Variants in FAM13C observed in about 807,000 individuals in gnomAD.
FAM13C encodes family with sequence similarity 13 member C.
FAM13C carries 37 observed loss-of-function variants against 73.2 expected under a neutral mutation model. That is an observed-to-expected ratio of 0.51 (90% CI 0.39 to 0.67). The LOEUF (loss-of-function observed/expected upper bound fraction) is 0.67. FAM13C is among the 30% of genes least tolerant of loss of function. The pLI is 0.00. For synonymous variants in FAM13C, 246 were observed against 260.9 expected, an observed-to-expected ratio of 0.94 and a Z score of 0.55; for missense variants, 589 against 715.6, an observed-to-expected ratio of 0.82 and a Z score of 2.02.
intron 3 of FAM13C, among the ~76,000 whole-genome samples, chr10:59,350,069 C>A (rs1330896207): frequency 6.6e-6 from 1 of 152,098 alleles, no homozygotes; most frequent in Non-Finnish European, 1.5e-5. Flanking sequence ...TCTTTTATCC[C>A]CAATATAATT....
At chr10:59,262,727 CCT>C in intron 9 of FAM13C, 82 bp from the exon 10 acceptor site, 1 of 1,177,644 alleles carries the variant, frequency 8.5e-7, no homozygotes, top group Non-Finnish European at 1.2e-6. Flanking sequence ...AATTCCTTCC[CCT>C]GATGCCAAAT....
chr10:59,360,939 CCG>C (rs1445735434), intron 1 of FAM13C: 23 of 994,488 alleles, frequency 2.3e-5, no homozygotes, highest in Non-Finnish European at 3.2e-5. Flanking sequence ...CTGTGACTGA[CCG>C]AGGATTTGGC....
intron 3 of FAM13C, among the ~76,000 whole-genome samples, chr10:59,345,490 T>C (rs888725945): frequency 2.0e-5 from 3 of 152,236 alleles, no homozygotes; most frequent in African/African-American, 7.2e-5. Context: ...AATATATTTG[T>C]ATATTTCCAA....
At chr10:59,335,782 T>C (rs149249846) in intron 3 of FAM13C, among the ~76,000 whole-genome samples, 126 of 152,256 alleles carry the variant, frequency 8.3e-4, no homozygotes, top group African/African-American at 2.9e-3. Flanking sequence ...GTAAGCCCAA[T>C]GCAATAAAAG....
intron 4 of FAM13C, among the ~76,000 whole-genome samples, chr10:59,312,043 C>T (rs867113635): frequency 3.2e-4 from 48 of 150,428 alleles, no homozygotes; most frequent in African/African-American, 1.1e-3. Flanking sequence ...AGAAAAACCT[C>T]ATCACACAAA....
intron 10 of FAM13C, among the ~76,000 whole-genome samples, chr10:59,260,975 G>A (rs900307993): frequency 3.9e-5 from 6 of 152,134 alleles, no homozygotes; most frequent in African/African-American, 1.4e-4. Context: ...GCTGAATCCT[G>A]TTCTAACTCT....
At chr10:59,350,053 C>T (rs1854827594) in intron 3 of FAM13C, among the ~76,000 whole-genome samples, 1 of 152,184 alleles carries the variant, frequency 6.6e-6, no homozygotes, top group South Asian at 2.1e-4. Context: ...CAATAATAAT[C>T]TGTCTTCTTT....
chr10:59,337,203 G>C (rs763113977), intron 3 of FAM13C, among the ~76,000 whole-genome samples: 2 of 152,330 alleles, frequency 1.3e-5, no homozygotes, highest in East Asian at 3.9e-4. Context: ...TGAATTCACT[G>C]CTTGCTAAAT....
At chr10:59,304,333 T>C (rs368732104) in intron 4 of FAM13C, among the ~76,000 whole-genome samples, 2 of 152,206 alleles carry the variant, frequency 1.3e-5, no homozygotes, top group South Asian at 4.1e-4. Context: ...AATAAGTTCT[T>C]TTGCTATGCA....
At chr10:59,305,795 A>G (rs545499830) in intron 4 of FAM13C, among the ~76,000 whole-genome samples, 2 of 152,378 alleles carry the variant, frequency 1.3e-5, no homozygotes, top group Non-Finnish European at 2.9e-5. Context: ...GCTCCCAACC[A>G]CAAGCTCAGG....
Position 59,252,949 on chromosome 10 carries a change from G to A in FAM13C, c.1382C>T (p.Pro461Leu). 3 of 1,614,080 alleles carry A rather than the reference G, an allele frequency of 1.9e-6. No individual in the cohort carries two copies. The highest frequency in any genetic ancestry group is 1.7e-4 in the Middle Eastern group (1 of 6,006). Residue 461 changes from proline (P) to leucine (L), a missense_variant, in exon 12 of 14, where the codon CCT becomes CTT. Physicochemically the swap from Pro to Leu is moderately conservative, Grantham distance 98. Transcript: ENST00000618804. ...GTGAGATGCTGGATCTGCCAAAGAA[G>A]GTTGTTGGCTTCCCTGTGGACGGTC... is the stretch of plus-strand genomic sequence containing the variant. ...DEDRPQGSQQ[P>L]SLADPASHLP...
chr10:59,325,093 G>A (rs558101771), intron 3 of FAM13C, among the ~76,000 whole-genome samples: 1 of 152,244 alleles, frequency 6.6e-6, no homozygotes, highest in South Asian at 2.1e-4. Flanking sequence ...ACAAAAATCT[G>A]CGAGAAATTC....
chr10:59,331,465 G>A (rs1383896203), intron 3 of FAM13C, among the ~76,000 whole-genome samples: 1 of 152,180 alleles, frequency 6.6e-6, no homozygotes, highest in African/African-American at 2.4e-5. Context: ...CCAGGTAGGT[G>A]AGGGACAGGC....
At chr10:59,339,890 G>A (rs963608900) in intron 3 of FAM13C, among the ~76,000 whole-genome samples, 1 of 152,078 alleles carries the variant, frequency 6.6e-6, no homozygotes, top group Non-Finnish European at 1.5e-5. Flanking sequence ...GGAGGTAGAG[G>A]ATTATTTTAT....
rs1843868019 is a variant in FAM13C at position 59,272,827 on chromosome 10, G to A, written c.593-2718C>T. ...GTCACCACTTATCGGCAGGGGATAA[G>A]TTCCAAGACTCCCAGTGGACACCTG... is the stretch of plus-strand genomic sequence containing the variant. On this transcript the variant is annotated intron_variant, in intron 6 of 13. Coordinates refer to ENST00000618804, the MANE Select transcript of FAM13C (RefSeq NM_198215.4). Among the ~76,000 whole-genome samples, 3 of 152,168 alleles carry A rather than the reference G, an allele frequency of 2.0e-5. No individual in the cohort carries two copies. The South Asian group carries it at 6.2e-4, about 32-fold the overall frequency.
At chr10:59,360,924 C>T (rs284614) in intron 1 of FAM13C, 58,225 of 717,804 alleles carry the variant, frequency 0.081, 2,985 homozygotes, top group Non-Finnish European at 0.099. Flanking sequence ...TTGAACCTGC[C>T]GTGCCTGTGA....
intron 6 of FAM13C, among the ~76,000 whole-genome samples, chr10:59,270,726 T>C (rs190269161): frequency 6.6e-6 from 1 of 152,290 alleles, no homozygotes; most frequent in Non-Finnish European, 1.5e-5. Flanking sequence ...ACACATACGT[T>C]TATATGTACA....
chr10:59,313,219 T>C (rs1242524394), intron 4 of FAM13C, among the ~76,000 whole-genome samples: 1 of 152,210 alleles, frequency 6.6e-6, no homozygotes, highest in Non-Finnish European at 1.5e-5. Context: ...CTGGTTCTTA[T>C]CCTTCCCAAA....
intron 8 of FAM13C, among the ~76,000 whole-genome samples, chr10:59,264,598 G>T (rs143025255): frequency 0.011 from 1,651 of 152,258 alleles, 15 homozygotes; most frequent in Non-Finnish European, 0.017. Context: ...TACCTTGCTT[G>T]TGGCTCACAC....
Sources: allele counts gnomAD v4.1 joint callset (sites outside exome capture counted in the v4.1 genomes callset), GRCh38; gene constraint gnomAD v4.1.1; transcripts MANE v1.5; gene names NCBI Gene and HGNC (gene_info 2026-07-23, HGNC 2026-07-21).